Variants in GAS7 observed in about 807,000 individuals in gnomAD.
The protein encoded by GAS7 is growth arrest specific 7, also known as growth arrest-specific protein 7.
GAS7 carries 28 observed loss-of-function variants against 71.1 expected under a neutral mutation model. The ratio of observed to expected loss-of-function variants is 0.39; its 90% confidence interval spans 0.29 to 0.54. The LOEUF is 0.54. Ranked by LOEUF, GAS7 falls within the 20% of genes least tolerant of loss-of-function variation. The pLI is 0.62. For synonymous variants in GAS7, 258 were observed against 245.8 expected (o/e 1.05, Z -0.46); for missense variants, 436 against 627.8 (o/e 0.69, Z 3.27).
In GAS7 at chr17:9,919,774, GC is replaced by G. The variant is rs2067728367; in HGVS notation, c.1139-70del. 2.6e-6 allele frequency: 3 copies of G among 1,164,732 alleles called. No individual in the cohort carries two copies. The highest frequency in any genetic ancestry group is 2.6e-6 in the Non-Finnish European group (2 of 772,676). The allele number at this position is 1,164,732 out of a possible 1,614,324, so 72.1% of individuals were successfully genotyped here. The stretch of plus-strand genomic sequence containing the variant: ...ACCATGACTCTGTGCCCCACCCTGA[GC>G]CCCACAGCCAAGCCTTCTCCTCCCC... On this transcript the variant is annotated intron_variant, in intron 11 of 13. Coordinates refer to ENST00000432992, the MANE Select transcript of GAS7 (RefSeq NM_201433.2). The surrounding 1 kb of genome is among the most constrained non-coding windows in gnomAD (Gnocchi z 5.0).
chr17:9,986,862 C>A (rs930442078), intron 2 of GAS7, among the ~76,000 whole-genome samples: 21 of 152,186 alleles, frequency 1.4e-4, no homozygotes, highest in African/African-American at 4.1e-4. Flanking sequence ...ACACTGTGAG[C>A]CTGGGGCAGG....
intron 1 of GAS7, among the ~76,000 whole-genome samples, chr17:10,132,712 G>A (rs1158465016): frequency 6.6e-6 from 1 of 151,956 alleles, no homozygotes; most frequent in African/African-American, 2.4e-5. Flanking sequence ...AGGGTGCAGT[G>A]AGCCAAGATT....
chr17:10,123,697 C>T (rs1448023265), intron 1 of GAS7, among the ~76,000 whole-genome samples: 2 of 152,220 alleles, frequency 1.3e-5, no homozygotes, highest in African/African-American at 4.8e-5. Context: ...CTTGCTCCCC[C>T]AACAAACGTG....
At chr17:10,119,519 G>C (rs1375935656) in intron 1 of GAS7, among the ~76,000 whole-genome samples, 1 of 152,174 alleles carries the variant, frequency 6.6e-6, no homozygotes, top group Admixed American at 6.5e-5. Flanking sequence ...AACAAGCTGG[G>C]GGATGCTCCC....
intron 8 of GAS7, among the ~76,000 whole-genome samples, chr17:9,935,034 C>A (rs2068349178): frequency 1.3e-5 from 2 of 152,182 alleles, no homozygotes; most frequent in Non-Finnish European, 2.9e-5. Flanking sequence ...AGGCATAAGC[C>A]ACCATGCCCA....
chr17:10,121,731 T>C (rs1052423939), intron 1 of GAS7, among the ~76,000 whole-genome samples: 1 of 152,124 alleles, frequency 6.6e-6, no homozygotes, highest in South Asian at 2.1e-4. Context: ...AGTAAAAGCA[T>C]GGGGTATTGA....
At chr17:9,956,703 G>A (rs2152110175) in intron 5 of GAS7, among the ~76,000 whole-genome samples, 1 of 152,298 alleles carries the variant, frequency 6.6e-6, no homozygotes, top group East Asian at 1.9e-4. Context: ...AGGAGCGTCA[G>A]AATCCAGCTC....
At chr17:9,942,284 A>G (rs1451504024) in intron 7 of GAS7, among the ~76,000 whole-genome samples, 2 of 152,122 alleles carry the variant, frequency 1.3e-5, no homozygotes, top group Non-Finnish European at 2.9e-5. Context: ...TATTTTAAAA[A>G]GATATTGCAA....
intron 2 of GAS7, among the ~76,000 whole-genome samples, chr17:10,016,420 G>A (rs1310880618): frequency 6.2e-5 from 9 of 145,530 alleles, no homozygotes; most frequent in African/African-American, 2.3e-4. Context: ...AACAAGTAAT[G>A]AATAAAACTG....
At chr17:10,150,707 G>A (rs1407310449) in intron 1 of GAS7, among the ~76,000 whole-genome samples, 3 of 149,094 alleles carry the variant, frequency 2.0e-5, no homozygotes, top group Non-Finnish European at 4.4e-5. Context: ...TCCTGCCTCA[G>A]CCTCCCGAGT....
chr17:9,951,129 C>A (rs887158901), intron 5 of GAS7, among the ~76,000 whole-genome samples: 31 of 152,206 alleles, frequency 2.0e-4, no homozygotes, highest in African/African-American at 7.2e-4. Flanking sequence ...ATCATGAAAA[C>A]AAGGGACGGG....
intron 4 of GAS7, among the ~76,000 whole-genome samples, chr17:9,961,182 C>G (rs540449841): frequency 3.7e-4 from 56 of 152,294 alleles, no homozygotes; most frequent in African/African-American, 1.3e-3. Flanking sequence ...CCAACGGGCT[C>G]CTGGCCAACG....
chr17:9,943,128 G>C lies in GAS7; in HGVS notation c.724C>G (p.Arg242Gly). Residue 242 changes from arginine (R) to glycine (G), a missense_variant, in exon 7 of 14, where the codon CGG (arginine) becomes GGG (glycine). Coordinates refer to ENST00000432992, the MANE Select transcript of GAS7 (RefSeq NM_201433.2). ...QMQKEMSEFI[R>G]ERIKIEEDYA... The stretch of plus-strand genomic sequence containing the variant: ...GAGGGGCCCAGGCTTCACCTTTCCC[G>C]GATGAATTCTGACATTTCCTTCTGC... The C allele has an allele frequency of 1.2e-6, 2 of 1,603,544 alleles. No individual in the cohort carries two copies. Among genetic ancestry groups the C allele is most frequent in the Non-Finnish European group, 1.7e-6 (2 of 1,170,318 alleles).
intron 1 of GAS7, among the ~76,000 whole-genome samples, chr17:10,193,260 CAAAA>C (rs57261260): frequency 1.8e-5 from 2 of 113,444 alleles, no homozygotes; most frequent in African/African-American, 3.4e-5. Context: ...CCTCTAGAGT[CAAAA>C]AAAAAAAAAA....
chr17:10,160,434 C>G (rs2074244033), intron 1 of GAS7, among the ~76,000 whole-genome samples: 1 of 152,072 alleles, frequency 6.6e-6, no homozygotes, highest in South Asian at 2.1e-4. Context: ...CGAAGATCAC[C>G]TAGTTTAATT....
intron 1 of GAS7, among the ~76,000 whole-genome samples, chr17:10,064,316 G>T (rs550615157): frequency 5.3e-4 from 81 of 152,318 alleles, no homozygotes; most frequent in African/African-American, 1.9e-3. Flanking sequence ...CACCGTGGGG[G>T]TCTGTGACCT....
chr17:10,111,987 T>C (rs1375603917), intron 1 of GAS7, among the ~76,000 whole-genome samples: 1 of 152,178 alleles, frequency 6.6e-6, no homozygotes, highest in Non-Finnish European at 1.5e-5. Flanking sequence ...TCAATATAAA[T>C]TAATCCAAAT....
At chr17:10,183,471 TG>T (rs2142145571) in intron 1 of GAS7, among the ~76,000 whole-genome samples, 1 of 151,964 alleles carries the variant, frequency 6.6e-6, no homozygotes, top group East Asian at 1.9e-4. Flanking sequence ...ACTTACAGAG[TG>T]TGTGTGTACA....
intron 2 of GAS7, among the ~76,000 whole-genome samples, chr17:10,005,271 G>A (rs1264323332): frequency 6.8e-6 from 1 of 147,810 alleles, no homozygotes; most frequent in Non-Finnish European, 1.5e-5. Flanking sequence ...ATACATGTAT[G>A]TATATGTATA....
Sources: allele counts gnomAD v4.1 joint callset (sites outside exome capture counted in the v4.1 genomes callset), GRCh38; gene constraint gnomAD v4.1.1; non-coding constraint Gnocchi (gnomAD v3.1); transcripts MANE v1.5; gene names NCBI Gene and HGNC (gene_info 2026-07-23, HGNC 2026-07-21).